Variants in CNTNAP2 observed in about 807,000 individuals in gnomAD.
The protein encoded by CNTNAP2 is contactin-associated protein-like 2.
A neutral mutation model predicts 155.2 loss-of-function variants in CNTNAP2; 98 were observed. That is an observed-to-expected ratio of 0.63 (90% CI 0.54 to 0.75). The LOEUF (loss-of-function observed/expected upper bound fraction) is 0.75, where lower values mean the gene tolerates loss of function less well. Among genes scored for constraint, CNTNAP2 ranks in the 30% least tolerant of loss-of-function variants. The pLI is 0.00. For missense variants in CNTNAP2, 1,727 were observed against 1,688.1 expected (o/e 1.02, Z -0.40); for synonymous variants, 651 against 631.2 (o/e 1.03, Z -0.47).
chr7:146,998,557 T>G (rs916165642), intron 3 of CNTNAP2, among the ~76,000 whole-genome samples: 1 of 151,996 alleles, frequency 6.6e-6, no homozygotes, highest in Non-Finnish European at 1.5e-5. Context: ...ATTTAGTCAG[T>G]AGGACAGTTT....
intron 11 of CNTNAP2, among the ~76,000 whole-genome samples, chr7:147,511,017 C>T (rs1322919482): frequency 2.6e-5 from 4 of 151,442 alleles, no homozygotes; most frequent in Admixed American, 1.3e-4. Flanking sequence ...ATTTGATGAT[C>T]TCATGAGTAA....
intron 1 of CNTNAP2, among the ~76,000 whole-genome samples, chr7:146,131,928 C>T (rs970467190): frequency 6.6e-6 from 1 of 152,152 alleles, no homozygotes; most frequent in South Asian, 2.1e-4. Flanking sequence ...AATTTACTCT[C>T]TCCTGCCACC....
At chr7:147,085,603 A>G (rs976657365) in intron 4 of CNTNAP2, 1 of 152,322 alleles carries the variant, frequency 6.6e-6, no homozygotes, top group South Asian at 2.1e-4. Context: ...GCCATAGGTG[A>G]TATCTCTCCT....
chr7:148,059,056 G>A (rs551541503), intron 15 of CNTNAP2, among the ~76,000 whole-genome samples: 13 of 152,072 alleles, frequency 8.5e-5, no homozygotes, highest in African/African-American at 1.7e-4. Context: ...CAAGGTAGGC[G>A]GATCACTTGA....
At chr7:146,687,222 G>A (rs529867243) in intron 1 of CNTNAP2, among the ~76,000 whole-genome samples, 15 of 152,148 alleles carry the variant, frequency 9.9e-5, no homozygotes, top group Non-Finnish European at 1.9e-4. Flanking sequence ...AATACTGACT[G>A]TTGGTTAAAA....
intron 12 of CNTNAP2, among the ~76,000 whole-genome samples, chr7:147,564,330 A>AGAGAGATTAATCT (rs1800125290): frequency 1.3e-5 from 2 of 152,180 alleles, no homozygotes; most frequent in South Asian, 4.1e-4. Context: ...CACACTTACC[A>AGAGAGATTAATCT]GAGAGATTAA....
intron 1 of CNTNAP2, among the ~76,000 whole-genome samples, chr7:146,475,647 A>T (rs1796866942): frequency 6.6e-6 from 1 of 152,182 alleles, no homozygotes; most frequent in Admixed American, 6.5e-5. Context: ...CAGACTGAAA[A>T]TCAGTGGGAA....
intron 1 of CNTNAP2, among the ~76,000 whole-genome samples, chr7:146,642,224 T>C (rs1799721957): frequency 6.6e-6 from 1 of 151,952 alleles, no homozygotes. Flanking sequence ...TAGTTACATA[T>C]GTATACATGT....
chr7:148,221,220 G>A (rs980702042), intron 19 of CNTNAP2, among the ~76,000 whole-genome samples: 10 of 152,134 alleles, frequency 6.6e-5, no homozygotes, highest in Admixed American at 1.3e-4. Flanking sequence ...CTCACTTTGT[G>A]CCCAAAGCCA....
At chr7:147,423,991 T>C (rs1253911321) in intron 10 of CNTNAP2, among the ~76,000 whole-genome samples, 1 of 152,196 alleles carries the variant, frequency 6.6e-6, no homozygotes, top group Non-Finnish European at 1.5e-5. Context: ...AAACTTGTGC[T>C]TCAGCATCTC....
At chr7:148,376,025 T>C (rs1466440096) in intron 21 of CNTNAP2, among the ~76,000 whole-genome samples, 1 of 62,152 alleles carries the variant, frequency 1.6e-5, no homozygotes, top group Non-Finnish European at 4.4e-5. Flanking sequence ...AAAAGAAACG[T>C]GAGTGACAAT....
At chr7:146,647,281 T>G (rs185924581) in intron 1 of CNTNAP2, among the ~76,000 whole-genome samples, 7 of 152,236 alleles carry the variant, frequency 4.6e-5, no homozygotes, top group Non-Finnish European at 7.3e-5. Flanking sequence ...TCACCCCATT[T>G]CCTTTAAAGA....
At chr7:146,384,836 T>C (rs1397355640) in intron 1 of CNTNAP2, among the ~76,000 whole-genome samples, 1 of 152,212 alleles carries the variant, frequency 6.6e-6, no homozygotes, top group Non-Finnish European at 1.5e-5. Flanking sequence ...TTTTTCGATG[T>C]AATTATTACT....
intron 1 of CNTNAP2, among the ~76,000 whole-genome samples, chr7:146,467,824 T>G (rs1796737419): frequency 6.6e-6 from 1 of 152,180 alleles, no homozygotes; most frequent in African/African-American, 2.4e-5. Flanking sequence ...AGCACAAAGT[T>G]ATAATGTCTT....
intron 1 of CNTNAP2, among the ~76,000 whole-genome samples, chr7:146,303,090 G>A (rs1331157790): frequency 6.6e-6 from 1 of 151,896 alleles, no homozygotes; most frequent in Non-Finnish European, 1.5e-5. Context: ...GTGTGTGTGT[G>A]TGTGTGTGTG....
chr7:146,497,743 A>G (rs1797240250), intron 1 of CNTNAP2, among the ~76,000 whole-genome samples: 1 of 150,696 alleles, frequency 6.6e-6, no homozygotes, highest in African/African-American at 2.4e-5. Context: ...TTATTCTAAC[A>G]TGTATCTATG....
chr7:147,779,178 A>G (rs186821402), intron 13 of CNTNAP2, among the ~76,000 whole-genome samples: 75 of 152,376 alleles, frequency 4.9e-4, no homozygotes, highest in African/African-American at 1.6e-3. Context: ...TATAGCTGCT[A>G]TAATTTTCAG....
chr7:148,241,522 G>C (rs1796157979), intron 20 of CNTNAP2, among the ~76,000 whole-genome samples: 1 of 152,218 alleles, frequency 6.6e-6, no homozygotes, highest in African/African-American at 2.4e-5. Context: ...GTATAAGCTT[G>C]TGCTGTGGGA....
At chr7:147,179,815 G>T (rs1414094814) in intron 8 of CNTNAP2, among the ~76,000 whole-genome samples, 1 of 152,108 alleles carries the variant, frequency 6.6e-6, no homozygotes, top group East Asian at 1.9e-4. Flanking sequence ...ACTTTAAAGG[G>T]TTACAATGAT....
Sources: allele counts gnomAD v4.1 joint callset (sites outside exome capture counted in the v4.1 genomes callset), GRCh38; gene constraint gnomAD v4.1.1; transcripts MANE v1.5; gene names NCBI Gene and HGNC (gene_info 2026-07-23, HGNC 2026-07-21).